Variants in TYRO3 observed in about 807,000 individuals in gnomAD.
TYRO3 encodes tyrosine-protein kinase receptor TYRO3.
A neutral mutation model predicts 95.2 loss-of-function variants in TYRO3; 38 were observed. That is an observed-to-expected ratio of 0.40 (90% CI 0.31 to 0.52). The LOEUF (loss-of-function observed/expected upper bound fraction) is 0.52. Ranked by LOEUF, TYRO3 falls within the 20% of genes least tolerant of loss-of-function variation. The pLI is 0.56. For synonymous variants in TYRO3, 367 were observed against 432.9 expected (o/e 0.85, Z 1.89); for missense variants, 812 against 1,116.4 (o/e 0.73, Z 3.89).
In TYRO3 at chr15:41,581,913, AAAGAG is replaced by A. The variant is rs2055927509; in HGVS notation, c.*3639_*3643del. The stretch of plus-strand genomic sequence containing the variant: ...TTGGGATTTTCTGTCTCAAAAAAAA[AAAGAG>A]AGAGACTCTGGATCAAAAAGGATTT... On this transcript the variant is annotated 3_prime_UTR_variant, in exon 19 of 19. Transcript: ENST00000263798. 1 of 150,338 alleles carries A rather than the reference AAAGAG, an allele frequency of 6.7e-6. No individual in the cohort carries two copies. The allele number at this position is 150,338 out of a possible 1,614,324, so 9.3% of individuals were successfully genotyped here.
At chr15:41,570,833 G>A (rs2055786835) in intron 12 of TYRO3, 134 bp downstream of exon 12, 6 of 954,012 alleles carry the variant, frequency 6.3e-6, no homozygotes, top group Admixed American at 4.1e-5. Flanking sequence ...TCCTGAGTGT[G>A]GGATGTTTGT....
At chr15:41,569,173 C>G (rs1004492233) in intron 9 of TYRO3, 151 bp downstream of exon 9, 24 of 937,558 alleles carry the variant, frequency 2.6e-5, no homozygotes, top group Non-Finnish European at 3.4e-5. Flanking sequence ...TTTAAACTAT[C>G]TTGGCTGGGC....
chr15:41,570,839 T>C, intron 12 of TYRO3, 140 bp downstream of exon 12: 2 of 936,596 alleles, frequency 2.1e-6, no homozygotes, highest in Non-Finnish European at 3.4e-6. Flanking sequence ...GTGTGGGATG[T>C]TTGTGGGGAA....
intron 18 of TYRO3, among the ~76,000 whole-genome samples, chr15:41,576,346 ACC>A (rs1372398963): frequency 6.6e-6 from 1 of 151,636 alleles, no homozygotes; most frequent in Admixed American, 6.6e-5. Flanking sequence ...GGCATGCACC[ACC>A]CTGCCCAGCT....
chr15:41,559,853 G>A (rs1473737293), intron 1 of TYRO3, among the ~76,000 whole-genome samples: 2 of 152,190 alleles, frequency 1.3e-5, no homozygotes, highest in African/African-American at 4.8e-5. Context: ...AAAACAAATG[G>A]GCACACTCGA....
intron 6 of TYRO3, 66 bp from the exon 7 acceptor site, chr15:41,567,294 T>C (rs1270076635): frequency 2.9e-6 from 4 of 1,365,824 alleles, no homozygotes; most frequent in Non-Finnish European, 3.8e-6. Context: ...CCCATAACTA[T>C]ACCCATCCCA....
At position 41,577,921 on chromosome 15, in the gene TYRO3, C is replaced by T; in HGVS notation, c.2318C>T (p.Pro773Leu). ...DLMYQCWSAD[P>L]KQRPSFTCLR... ...ATGTACCAGTGCTGGAGTGCTGACC[C>T]CAAGCAGCGCCCGAGCTTTACTTGT... The change falls in exon 19 of 19, where the codon CCC becomes CTC. Residue 773 changes from proline to leucine, a missense_variant. Coordinates refer to ENST00000263798, the MANE Select transcript of TYRO3 (RefSeq NM_006293.4). 1 of 1,612,956 alleles carries T rather than the reference C, an allele frequency of 6.2e-7. No individual in the cohort carries two copies. The highest frequency in any genetic ancestry group is 1.7e-5 in the Admixed American group (1 of 60,030).
intron 7 of TYRO3, 111 bp downstream of exon 7, chr15:41,567,648 G>A (rs1401669605): frequency 4.8e-6 from 5 of 1,040,592 alleles, no homozygotes; most frequent in African/African-American, 3.3e-5. Context: ...GGCATCATTC[G>A]GCAAACATTT....
intron 18 of TYRO3, chr15:41,574,669 C>T: frequency 4.4e-6 from 2 of 456,046 alleles, no homozygotes; most frequent in Non-Finnish European, 8.8e-6. Context: ...TACACTCCCA[C>T]TCCATCCAAG....
intron 15 of TYRO3, 30 bp from the exon 16 acceptor site, chr15:41,572,972 A>G (rs1296734222): frequency 1.1e-6 from 1 of 939,252 alleles, no homozygotes; most frequent in Non-Finnish European, 1.6e-6. Flanking sequence ...TGGGCAGGTT[A>G]AGCCTGAGCT....
rs756351193 is a variant in TYRO3 at position 41,570,055 on chromosome 15, A to C, written c.1281A>C (p.Thr427=). Residue 427 remains threonine (T), a synonymous_variant, in exon 10 of 19, where the codon ACA becomes ACC. Coordinates refer to ENST00000263798, the MANE Select transcript of TYRO3 (RefSeq NM_006293.4). Reference sequence around the variant, plus strand: ...AGCAGGGCCCTCCTCACAGCCGCACATCCTGGGTACCTGTGGTCCTTGGTG... The same window carrying C: ...AGCAGGGCCCTCCTCACAGCCGCACCTCCTGGGTACCTGTGGTCCTTGGTG... ...AGQQGPPHSR[T]SWVPVVLGVL... is the part of the protein sequence containing the mutation. 3.1e-6 allele frequency: 5 copies of C among 1,613,746 alleles called. No individual in the cohort carries two copies. In the South Asian group the frequency reaches 5.5e-5, roughly 18 times the overall value.
Position 41,568,265 on chromosome 15 carries a change from G to A in TYRO3, c.1010G>A (p.Gly337Asp). 1 of 1,613,540 alleles carries A rather than the reference G, an allele frequency of 6.2e-7. No individual in the cohort carries two copies. Among genetic ancestry groups the A allele is most frequent in the Non-Finnish European group, 8.5e-7 (1 of 1,180,004 alleles). ...CTCCATGCCATCCGCACAGATTCAG[G>A]CCTCATCTTGGAGTGGGAAGAAGTG... is the stretch of plus-strand genomic sequence containing the variant. ...QNLHAIRTDS[G>D]LILEWEEVIP... The change falls in exon 8 of 19, where the codon GGC (glycine) becomes GAC (aspartate). Residue 337 changes from glycine (G) to aspartate (D), a missense_variant. Physicochemically the swap from Gly to Asp is moderately conservative, Grantham distance 94. Transcript: ENST00000263798.
At chr15:41,560,256 T>G (rs2055629641) in intron 1 of TYRO3, among the ~76,000 whole-genome samples, 1 of 152,102 alleles carries the variant, frequency 6.6e-6, no homozygotes, top group Non-Finnish European at 1.5e-5. Flanking sequence ...GACCTGATGC[T>G]CAGGGAGCCC....
chr15:41,561,253 A>T lies in TYRO3; in HGVS notation c.251A>T (p.Gln84Leu). Reference sequence around the variant, plus strand: ...TGGGTGAAGGATGGGGCTGTGGTCCAGAACTTGGACCAGTTGTACATCCCA... The same window carrying T: ...TGGGTGAAGGATGGGGCTGTGGTCCTGAACTTGGACCAGTTGTACATCCCA... ...IQWVKDGAVV[Q>L]NLDQLYIPVS... Residue 84 changes from glutamine (Q) to leucine (L), a missense_variant, in exon 2 of 19, where the codon CAG becomes CTG. Transcript: ENST00000263798. The T allele has an allele frequency of 6.2e-7, 1 of 1,614,230 alleles. No homozygotes were observed. Among genetic ancestry groups the T allele is most frequent in the African/African-American group, 1.3e-5 (1 of 75,066 alleles).
intron 1 of TYRO3, among the ~76,000 whole-genome samples, chr15:41,560,155 T>C (rs2055626958): frequency 6.6e-6 from 1 of 152,158 alleles, no homozygotes; most frequent in South Asian, 2.1e-4. Context: ...CCCGCTGGCA[T>C]CTTCTCTTGA....
chr15:41,571,072 G>T lies in TYRO3; in HGVS notation c.1614G>T (p.Lys538Asn). Residue 538 changes from lysine (K) to asparagine (N), a missense_variant, in exon 13 of 19, where the codon AAG becomes AAT. Coordinates refer to ENST00000263798, the MANE Select transcript of TYRO3 (RefSeq NM_006293.4). The stretch of plus-strand genomic sequence containing the variant: ...GTTCAGTGCGGGAGGCCCAGCTGAA[G>T]CAAGAGGATGGCTCCTTTGTGAAAG... ...EFGSVREAQL[K>N]QEDGSFVKVA... 6.2e-7 allele frequency: 1 copy of T among 1,614,158 alleles called. No individual in the cohort carries two copies. Among genetic ancestry groups the T allele is most frequent in the Non-Finnish European group, 8.5e-7 (1 of 1,180,022 alleles).
intron 1 of TYRO3, among the ~76,000 whole-genome samples, chr15:41,560,426 TGTGCGCGC>T (rs1325266542): frequency 7.4e-6 from 1 of 134,370 alleles, no homozygotes; most frequent in African/African-American, 2.9e-5. Context: ...TGTGTGTGTG[TGTGCGCGC>T]GCGCGCGCGC....
At chr15:41,568,475 C>T in intron 8 of TYRO3, 113 bp downstream of exon 8, 1 of 1,098,572 alleles carries the variant, frequency 9.1e-7, no homozygotes, top group Non-Finnish European at 1.3e-6. Context: ...TCTCCCGCAG[C>T]CCCAGGGAAT....
chr15:41,560,563 C>T (rs1317209516), intron 1 of TYRO3, among the ~76,000 whole-genome samples: 3 of 152,134 alleles, frequency 2.0e-5, no homozygotes, highest in African/African-American at 7.2e-5. Context: ...AGCACTCGCC[C>T]CTGCCCACAT....
Sources: gnomAD v4.1 joint callset for allele counts (sites outside exome capture counted in the v4.1 genomes callset) on GRCh38, gnomAD v4.1.1 for gene constraint, MANE v1.5 for transcripts, NCBI Gene and HGNC (gene_info 2026-07-23, HGNC 2026-07-21) for gene names.